The following PARD3B variants were observed in gnomAD, a reference collection of about 807,000 sequenced individuals.
PARD3B encodes par-3 family cell polarity regulator beta.
Under a neutral mutation model 130.2 loss-of-function variants are expected in PARD3B, and 103 were observed. That is an observed-to-expected ratio of 0.79 (90% CI 0.67 to 0.93). The LOEUF is 0.93. Ranked by LOEUF, PARD3B falls within the 40% of genes least tolerant of loss-of-function variation. PARD3B has a pLI of 0.00. For missense variants in PARD3B, 1,609 were observed against 1,499.2 expected, an observed-to-expected ratio of 1.07 and a Z score of -1.21; for synonymous variants, 583 against 553.2, an observed-to-expected ratio of 1.05 and a Z score of -0.76.
chr2:205,176,362 G>A lies in PARD3B; in HGVS notation c.1792-83G>A, dbSNP rs2035467749. The A allele has an allele frequency of 2.3e-6, 3 of 1,332,330 alleles. No homozygotes were observed. Among genetic ancestry groups the A allele is most frequent in the Non-Finnish European group, 2.0e-6 (2 of 977,256 alleles). 82.5% of individuals were successfully genotyped at this position (1,332,330 alleles called of 1,614,324 possible). A position where few individuals can be genotyped will look rare whatever the true frequency, so the allele number is the denominator to read the frequency against. ...AGACTCTTGAAAGACTATTCATACA[G>A]CGATCATTCTTTCACTTTGCTTCAA... On this transcript the variant is annotated intron_variant, in intron 12 of 22. Coordinates refer to ENST00000406610, the MANE Select transcript of PARD3B (RefSeq NM_001302769.2). The surrounding 1 kb of genome is among the most constrained non-coding windows in gnomAD (Gnocchi z 5.3).
chr2:204,722,406 T>G (rs929311057), intron 2 of PARD3B, among the ~76,000 whole-genome samples: 6 of 152,210 alleles, frequency 3.9e-5, no homozygotes, highest in Non-Finnish European at 7.3e-5. Context: ...GACAGTGTCT[T>G]GGATGACAGT....
chr2:204,888,353 G>C (rs2046331882), intron 2 of PARD3B, among the ~76,000 whole-genome samples: 1 of 147,826 alleles, frequency 6.8e-6, no homozygotes, highest in Admixed American at 6.7e-5. Flanking sequence ...AGAGCAAACA[G>C]AGGAGAAAGG....
intron 4 of PARD3B, among the ~76,000 whole-genome samples, chr2:205,057,685 ACG>A (rs1491583505): frequency 1.5e-5 from 2 of 137,538 alleles, no homozygotes; most frequent in African/African-American, 5.3e-5. Flanking sequence ...GTATGTGTAT[ACG>A]TACATATACA....
chr2:204,626,545 GT>G (rs976295299), intron 1 of PARD3B, among the ~76,000 whole-genome samples: 123 of 145,960 alleles, frequency 8.4e-4, no homozygotes, highest in Admixed American at 1.2e-3. Flanking sequence ...ATGATTTCAA[GT>G]TTTTTTTTTT....
chr2:204,708,061 A>G lies in PARD3B; in HGVS notation c.222+21779A>G, dbSNP rs186546164. ...GGATGAGGATAGAACTCAAGGGTCA[A>G]TGTCTCAGAACTGGGAGGAGCAAGT... On this transcript the variant is annotated intron_variant, in intron 2 of 22. Coordinates refer to ENST00000406610, the MANE Select transcript of PARD3B (RefSeq NM_001302769.2). Among the ~76,000 whole-genome samples the G allele has an allele frequency of 2.3e-3, 353 of 152,302 alleles. 3 individuals carry two copies. The South Asian group carries it at 0.026, about 11-fold the overall frequency.
chr2:204,832,431 A>T (rs564508142), intron 2 of PARD3B, among the ~76,000 whole-genome samples: 1 of 152,286 alleles, frequency 6.6e-6, no homozygotes, highest in East Asian at 1.9e-4. Flanking sequence ...ACATTGAATC[A>T]TCGCATGGTG....
chr2:204,825,787 C>T (rs2043546724), intron 2 of PARD3B, among the ~76,000 whole-genome samples: 1 of 152,184 alleles, frequency 6.6e-6, no homozygotes, highest in Non-Finnish European at 1.5e-5. Flanking sequence ...TTCATCTCAT[C>T]CTAATCCAGC....
intron 2 of PARD3B, among the ~76,000 whole-genome samples, chr2:204,798,149 G>T (rs559359965): frequency 3.6e-4 from 55 of 152,246 alleles, no homozygotes; most frequent in African/African-American, 1.2e-3. Flanking sequence ...ACTGGAGAGG[G>T]TAGGAAGGAC....
rs1213483994 is a variant in PARD3B at position 205,334,350 on chromosome 2, G to A, written c.2630+32649G>A. On this transcript the variant is annotated intron_variant, in intron 18 of 22. Transcript: ENST00000406610. The stretch of plus-strand genomic sequence containing the variant: ...TTTCTTAAGAATAAATAATAATCCT[G>A]GCCATTTGAACAACCCATCCCCCCA... Among the ~76,000 whole-genome samples the A allele has an allele frequency of 2.6e-5, 4 of 152,196 alleles. No homozygotes were observed. The East Asian group carries it at 7.7e-4, about 29-fold the overall frequency.
chr2:204,666,437 A>G (rs1334241965), intron 1 of PARD3B, among the ~76,000 whole-genome samples: 1 of 152,150 alleles, frequency 6.6e-6, no homozygotes, highest in Non-Finnish European at 1.5e-5. Flanking sequence ...GTAGGACTCC[A>G]AATATGTCAC....
rs1411822708 is a variant in PARD3B, at chr2:205,281,912, G to A, written c.2186-18618G>A. ...AGACAAAAAGAAACTAATTCTACTTGTGTGTCTTCCTGGTTTTAACTTACA... is the reference window on the plus strand; with the variant it reads ...AGACAAAAAGAAACTAATTCTACTTATGTGTCTTCCTGGTTTTAACTTACA... On this transcript the variant is annotated intron_variant, in intron 16 of 22. Coordinates refer to ENST00000406610, the MANE Select transcript of PARD3B (RefSeq NM_001302769.2). This position sits in a 1 kb window ranked among gnomAD's most constrained non-coding sequence, Gnocchi z 4.2. Among the ~76,000 whole-genome samples the A allele has an allele frequency of 6.6e-6, 1 of 152,290 alleles. No homozygotes were observed. Among genetic ancestry groups the A allele is most frequent in the Non-Finnish European group, 1.5e-5 (1 of 68,010 alleles).
chr2:204,584,814 G>A (rs2032746317), intron 1 of PARD3B, among the ~76,000 whole-genome samples: 1 of 152,146 alleles, frequency 6.6e-6, no homozygotes, highest in Non-Finnish European at 1.5e-5. Context: ...CTTAGCTCAG[G>A]GCCCAGAAAC....
chr2:205,245,881 T>C, intron 16 of PARD3B, 59 bp downstream of exon 16: 2 of 1,429,132 alleles, frequency 1.4e-6, no homozygotes, highest in East Asian at 2.3e-5. Flanking sequence ...GGCTGTGTTT[T>C]AGTAGCAGTT....
chr2:204,666,165 CT>C (rs1210853173), intron 1 of PARD3B, among the ~76,000 whole-genome samples: 8 of 152,156 alleles, frequency 5.3e-5, no homozygotes, highest in Non-Finnish European at 1.0e-4. Context: ...GACATTGCCC[CT>C]GCTCTTGAGA....
rs1241139875 is a variant in PARD3B, at chr2:205,602,539, T to A, written c.3261-12917T>A. 2.3e-4 allele frequency among the ~76,000 whole-genome samples: 35 copies of A among 152,216 alleles called. 2 individuals are homozygous for A. The highest frequency in any genetic ancestry group is 2.3e-3 in the Admixed American group (35 of 15,284). On this transcript the variant is annotated intron_variant, in intron 22 of 22. Coordinates refer to ENST00000406610, the MANE Select transcript of PARD3B (RefSeq NM_001302769.2). The stretch of plus-strand genomic sequence containing the variant: ...TTTTGGTTGGTAGGCTATTTATTAC[T>A]GCCTCAATTTCAGAGCCCATTGGTC...
In PARD3B at chr2:205,244,271, A is replaced by C. The variant is rs979006371; in HGVS notation, c.2141-1507A>C. Among the ~76,000 whole-genome samples the C allele has an allele frequency of 6.6e-6, 1 of 152,236 alleles. No homozygotes were observed. Among genetic ancestry groups the C allele is most frequent in the African/African-American group, 2.4e-5 (1 of 41,476 alleles). On this transcript the variant is annotated intron_variant, in intron 15 of 22. Transcript: ENST00000406610. This position sits in a 1 kb window ranked among gnomAD's most constrained non-coding sequence, Gnocchi z 4.7. ...GTTACTCTGAGATCAATCTAGTGTT[A>C]GGCGAAATGGAAGAGATTCTTCTTG...
chr2:205,217,840 GTATA>G (rs1249913426), intron 15 of PARD3B, among the ~76,000 whole-genome samples: 2 of 40,912 alleles, frequency 4.9e-5, no homozygotes, highest in African/African-American at 2.6e-4. Flanking sequence ...ATATATGTGT[GTATA>G]TGTGTGTGTG....
In PARD3B at chr2:205,075,762, ACATTTTCCTTGATCTCTAT is replaced by A. The variant is rs1353066477; in HGVS notation, c.504+28073_504+28091del. On this transcript the variant is annotated intron_variant, in intron 4 of 22. Coordinates refer to ENST00000406610, the MANE Select transcript of PARD3B (RefSeq NM_001302769.2). ...AAATATACAAGACACTCCAAAAATA[ACATTTTCCTTGATCTCTAT>A]GGTTAAACTTTTTTCATAAACACAT... Among the ~76,000 whole-genome samples the A allele has an allele frequency of 2.0e-5, 3 of 151,818 alleles. 1 individual carries two copies. Among genetic ancestry groups the A allele is most frequent in the Non-Finnish European group, 4.4e-5 (3 of 67,884 alleles).
intron 18 of PARD3B, among the ~76,000 whole-genome samples, chr2:205,306,458 T>G (rs1188760476): frequency 6.6e-6 from 1 of 152,214 alleles, no homozygotes; most frequent in Non-Finnish European, 1.5e-5. Flanking sequence ...CTGTTAGAGC[T>G]TCACATATCC....
Sources: gnomAD v4.1 joint callset for allele counts (sites outside exome capture counted in the v4.1 genomes callset) on GRCh38, gnomAD v4.1.1 for gene constraint, Gnocchi (gnomAD v3.1) non-coding constraint, MANE v1.5 for transcripts, NCBI Gene and HGNC (gene_info 2026-07-23, HGNC 2026-07-21) for gene names.